PTPRN2: variants seen among roughly 807,000 people sequenced by gnomAD.
The protein encoded by PTPRN2 is protein tyrosine phosphatase receptor type N2.
Under a neutral mutation model 118.8 loss-of-function variants are expected in PTPRN2, and 74 were observed. The ratio of observed to expected loss-of-function variants is 0.62; its 90% CI spans 0.52 to 0.76. The LOEUF (loss-of-function observed/expected upper bound fraction) is 0.76, where lower values mean the gene tolerates loss of function less well. Among genes scored for constraint, PTPRN2 ranks in the 30% least tolerant of loss-of-function variants. PTPRN2 has a pLI of 0.00. For missense variants in PTPRN2, 1,481 were observed against 1,394.4 expected, an observed-to-expected ratio of 1.06 and a Z score of -0.99; for synonymous variants, 641 against 608.0, an observed-to-expected ratio of 1.05 and a Z score of -0.80.
At chr7:158,100,086 C>T (rs1425058500) in intron 10 of PTPRN2, among the ~76,000 whole-genome samples, 9 of 151,922 alleles carry the variant, frequency 5.9e-5, no homozygotes, top group Admixed American at 5.9e-4. Context: ...TAAGCCTTCA[C>T]ATCCTCATAG....
Position 158,420,342 on chromosome 7 carries a change from C to T in PTPRN2, c.163+69393G>A, listed in dbSNP as rs1815146849. On this transcript the variant is annotated intron_variant, in intron 2 of 22. Coordinates refer to ENST00000389418, the MANE Select transcript of PTPRN2 (RefSeq NM_002847.5). ...TCTGACTCTTGCTGACCACGGGTTACCTTGGATCTTCTCTCCTTTGAGGGC... is the reference window on the plus strand; with the variant it reads ...TCTGACTCTTGCTGACCACGGGTTATCTTGGATCTTCTCTCCTTTGAGGGC... 2.0e-5 allele frequency among the ~76,000 whole-genome samples: 3 copies of T among 152,170 alleles called. No homozygotes were observed. The South Asian group carries it at 6.2e-4, about 32-fold the overall frequency.
At chr7:158,250,593 A>G (rs1470026690) in intron 3 of PTPRN2, among the ~76,000 whole-genome samples, 1 of 152,132 alleles carries the variant, frequency 6.6e-6, no homozygotes, top group East Asian at 1.9e-4. Context: ...ACATCCACAC[A>G]GAAACAGAAG....
chr7:158,330,955 C>G (rs1804270565), intron 2 of PTPRN2, among the ~76,000 whole-genome samples: 1 of 115,236 alleles, frequency 8.7e-6, no homozygotes. Flanking sequence ...AGAGCTGTCA[C>G]ACGCAGACGA....
intron 12 of PTPRN2, among the ~76,000 whole-genome samples, chr7:157,747,713 G>A: frequency 7.5e-6 from 1 of 133,964 alleles, no homozygotes; most frequent in East Asian, 2.5e-4. Flanking sequence ...TCTCAGCTGT[G>A]GGCTGTTGAG....
rs561162118 is a variant in PTPRN2, at chr7:157,795,998, G to T, written c.1788+102675C>A. ...AGGCGAACTTGGGAGAGGCCCTATG[G>T]TGCACACCCCTACCCTTCCTGGCTG... is the stretch of plus-strand genomic sequence containing the variant. On this transcript the variant is annotated intron_variant, in intron 12 of 22. Transcript: ENST00000389418. Among the ~76,000 whole-genome samples the T allele has an allele frequency of 1.9e-4, 29 of 152,332 alleles. No homozygotes were observed. In the South Asian group the frequency reaches 5.6e-3, roughly 29 times the overall value.
chr7:158,407,564 T>C (rs71544595), intron 2 of PTPRN2, among the ~76,000 whole-genome samples: 20 of 4,052 alleles, frequency 4.9e-3, no homozygotes, highest in East Asian at 0.012. Context: ...CTGGGTCCTG[T>C]GTCCTGGGTC....
At chr7:158,245,231 CAT>C in intron 3 of PTPRN2, among the ~76,000 whole-genome samples, 1 of 148,944 alleles carries the variant, frequency 6.7e-6, no homozygotes, top group South Asian at 2.2e-4. Context: ...AACCCATGGC[CAT>C]GCCGGAATCC....
intron 9 of PTPRN2, 96 bp downstream of exon 9, chr7:158,133,581 G>T (rs184017671): frequency 1.4e-6 from 2 of 1,465,214 alleles, no homozygotes; most frequent in African/African-American, 1.4e-5. Flanking sequence ...ACTTAAAAGC[G>T]TATGCATCCG....
At chr7:157,765,980 A>C (rs1293367438) in intron 12 of PTPRN2, among the ~76,000 whole-genome samples, 2 of 130,648 alleles carry the variant, frequency 1.5e-5, no homozygotes, top group East Asian at 4.9e-4. Context: ...ATCCACCCAC[A>C]CACCCATCCA....
chr7:158,103,473 G>A lies in PTPRN2; in HGVS notation c.1643+7356C>T, dbSNP rs564907172. On this transcript the variant is annotated intron_variant, in intron 10 of 22. Coordinates refer to ENST00000389418, the MANE Select transcript of PTPRN2 (RefSeq NM_002847.5). ...CTGCACTTTCTGGACTAACGTGGCT[G>A]TGCCCATGGAGCAGCGATGTCCGAG... 1.1e-4 allele frequency among the ~76,000 whole-genome samples: 17 copies of A among 152,348 alleles called. No individual in the cohort carries two copies. In the East Asian group the frequency reaches 3.3e-3, roughly 29 times the overall value.
intron 11 of PTPRN2, among the ~76,000 whole-genome samples, chr7:157,970,868 C>A (rs1802283415): frequency 6.6e-6 from 1 of 152,204 alleles, no homozygotes; most frequent in Non-Finnish European, 1.5e-5. Context: ...CCCTGGTCCC[C>A]CTCTCTGCCC....
chr7:157,929,978 G>C lies in PTPRN2; in HGVS notation c.1724-31241C>G, dbSNP rs2128778879. Reference sequence around the variant, plus strand: ...AGCCTGGACCTAGACACCCGTCCCAGCTCAGACGCTCAGCTCTGGGCCATC... The same window carrying C: ...AGCCTGGACCTAGACACCCGTCCCACCTCAGACGCTCAGCTCTGGGCCATC... On this transcript the variant is annotated intron_variant, in intron 11 of 22. Coordinates refer to ENST00000389418, the MANE Select transcript of PTPRN2 (RefSeq NM_002847.5). The surrounding 1 kb of genome is among the most constrained non-coding windows in gnomAD (Gnocchi z 4.4). 6.6e-6 allele frequency among the ~76,000 whole-genome samples: 1 copy of C among 152,340 alleles called. No homozygotes were observed. Among genetic ancestry groups the C allele is most frequent in the Middle Eastern group, 3.4e-3 (1 of 294 alleles).
intron 5 of PTPRN2, among the ~76,000 whole-genome samples, chr7:158,175,683 G>C (rs568990969): frequency 6.6e-6 from 1 of 152,230 alleles, no homozygotes; most frequent in South Asian, 2.1e-4. Context: ...CTGCAGCCAA[G>C]GTATAGAGCT....
chr7:158,569,616 G>C (rs1014767173), intron 1 of PTPRN2, among the ~76,000 whole-genome samples: 6 of 152,156 alleles, frequency 3.9e-5, no homozygotes, highest in African/African-American at 1.4e-4. Flanking sequence ...CCACTGACAG[G>C]AGCGCGGGGC....
At chr7:158,542,722 T>C (rs1023770677) in intron 1 of PTPRN2, among the ~76,000 whole-genome samples, 1 of 152,224 alleles carries the variant, frequency 6.6e-6, no homozygotes, top group African/African-American at 2.4e-5. Context: ...GTTTGTCAAA[T>C]ACTCACAAGG....
chr7:158,087,432 C>A (rs1021338637), intron 10 of PTPRN2, among the ~76,000 whole-genome samples: 3 of 152,236 alleles, frequency 2.0e-5, no homozygotes, highest in Non-Finnish European at 2.9e-5. Flanking sequence ...GCGTCTGATG[C>A]AAGAGCAGGA....
In PTPRN2 at chr7:158,193,055, C is replaced by G. The variant is rs187806698; in HGVS notation, c.381-560G>C. On this transcript the variant is annotated intron_variant, in intron 4 of 22. Coordinates refer to ENST00000389418, the MANE Select transcript of PTPRN2 (RefSeq NM_002847.5). ...CGTCCATGCAGTGCTCTCAGCCCCT[C>G]CGCTGCAGTCCCTGCTGTTAAACAG... Among the ~76,000 whole-genome samples, 22 of 152,358 alleles carry G rather than the reference C, an allele frequency of 1.4e-4. No individual in the cohort carries two copies. The East Asian group carries it at 4.3e-3, about 29-fold the overall frequency.
intron 12 of PTPRN2, among the ~76,000 whole-genome samples, chr7:157,766,669 G>A (rs1479338373): frequency 6.6e-6 from 1 of 152,208 alleles, no homozygotes; most frequent in Admixed American, 6.5e-5. Context: ...CCCAGTTTAT[G>A]GAGGAGACAC....
At chr7:157,949,709 G>T (rs114471098) in intron 11 of PTPRN2, among the ~76,000 whole-genome samples, 33 of 152,270 alleles carry the variant, frequency 2.2e-4, no homozygotes, top group African/African-American at 7.9e-4. Flanking sequence ...CTATCTAGAC[G>T]GGACTCTCCT....
Sources: gnomAD v4.1 joint callset for allele counts (sites outside exome capture counted in the v4.1 genomes callset) on GRCh38, gnomAD v4.1.1 for gene constraint, Gnocchi (gnomAD v3.1) non-coding constraint, MANE v1.5 for transcripts, NCBI Gene and HGNC (gene_info 2026-07-23, HGNC 2026-07-21) for gene names.